The following CACNA2D1 variants were observed in gnomAD, a reference collection of about 807,000 sequenced individuals.
The protein encoded by CACNA2D1 is voltage-dependent calcium channel subunit alpha-2/delta-1.
Under a neutral mutation model 171.5 loss-of-function variants are expected in CACNA2D1, and 53 were observed. The ratio of observed to expected loss-of-function variants is 0.31; its 90% confidence interval spans 0.25 to 0.39. The LOEUF is 0.39. CACNA2D1 is among the 10% of genes least tolerant of loss of function. The pLI is 1.00. For missense variants in CACNA2D1, 903 were observed against 1,299.8 expected, an observed-to-expected ratio of 0.69 and a Z score of 4.69; for synonymous variants, 442 against 443.1, an observed-to-expected ratio of 1.00 and a Z score of 0.03.
intron 6 of CACNA2D1, among the ~76,000 whole-genome samples, chr7:82,110,436 A>G (rs1788239148): frequency 6.6e-6 from 1 of 152,120 alleles, no homozygotes; most frequent in Non-Finnish European, 1.5e-5. Context: ...CTGGGCACCA[A>G]CCTGCACCTC....
At chr7:82,200,391 T>C (rs183406509) in intron 3 of CACNA2D1, among the ~76,000 whole-genome samples, 109 of 152,118 alleles carry the variant, frequency 7.2e-4, no homozygotes, top group Middle Eastern at 6.8e-3. Context: ...TTATTTTGGG[T>C]TTTAAAGCAT....
intron 6 of CACNA2D1, among the ~76,000 whole-genome samples, chr7:82,088,243 A>AT (rs1228855204): frequency 6.6e-6 from 1 of 152,128 alleles, no homozygotes; most frequent in Non-Finnish European, 1.5e-5. Context: ...CTTAGACAGT[A>AT]TTTTTAGTCT....
rs1183198892 is a variant in CACNA2D1, at chr7:81,969,921, T to C, written c.2268A>G (p.Leu756=). Residue 756 remains leucine, a synonymous_variant, in exon 28 of 39, where the codon CTA becomes CTG. Coordinates refer to ENST00000356860, the MANE Select transcript of CACNA2D1 (RefSeq NM_000722.4). ...CAGTGAAAACATAGTTATCATTATC[T>C]AGGCTCCTTTTATAGAAGCTGTCCT... ...TYEDSFYKRS[L]DNDNYVFTAP... 6.2e-6 allele frequency: 10 copies of C among 1,607,788 alleles called. 1 individual carries two copies. In the South Asian group the frequency reaches 9.9e-5, roughly 16 times the overall value.
intron 3 of CACNA2D1, among the ~76,000 whole-genome samples, chr7:82,208,024 G>C (rs1800187917): frequency 6.6e-6 from 1 of 152,054 alleles, no homozygotes; most frequent in Non-Finnish European, 1.5e-5. Context: ...ATCACATTCT[G>C]ACTTGCTGTG....
At chr7:82,113,097 G>T (rs953227238) in intron 6 of CACNA2D1, among the ~76,000 whole-genome samples, 2 of 151,846 alleles carry the variant, frequency 1.3e-5, no homozygotes, top group Non-Finnish European at 2.9e-5. Context: ...TAAATTATAG[G>T]GTAAGTATAA....
At chr7:82,306,685 A>C (rs1173112894) in intron 3 of CACNA2D1, among the ~76,000 whole-genome samples, 1 of 152,168 alleles carries the variant, frequency 6.6e-6, no homozygotes, top group Non-Finnish European at 1.5e-5. Flanking sequence ...TGAGGCCTGC[A>C]TCTTCGTTTT....
chr7:82,032,131 C>T (rs1189302882), intron 12 of CACNA2D1, among the ~76,000 whole-genome samples: 1 of 151,970 alleles, frequency 6.6e-6, no homozygotes, highest in Non-Finnish European at 1.5e-5. Flanking sequence ...TATTCCTCCA[C>T]AGTATCAGGT....
intron 6 of CACNA2D1, among the ~76,000 whole-genome samples, chr7:82,086,730 T>A (rs1011979832): frequency 8.5e-5 from 13 of 152,142 alleles, no homozygotes; most frequent in African/African-American, 1.2e-4. Context: ...TCTCTTTAAT[T>A]TCCTTGATTC....
chr7:82,194,136 G>T (rs1261198913), intron 3 of CACNA2D1, among the ~76,000 whole-genome samples: 2 of 152,012 alleles, frequency 1.3e-5, no homozygotes, highest in Non-Finnish European at 2.9e-5. Flanking sequence ...AAAGCTGTGT[G>T]TATTTCTACA....
intron 6 of CACNA2D1, among the ~76,000 whole-genome samples, chr7:82,104,322 A>T (rs1463758222): frequency 6.6e-6 from 1 of 152,034 alleles, no homozygotes; most frequent in African/African-American, 2.4e-5. Flanking sequence ...AAAATGATTT[A>T]TACTTGTTTT....
At chr7:82,426,369 C>T (rs764712624) in intron 1 of CACNA2D1, among the ~76,000 whole-genome samples, 4 of 152,102 alleles carry the variant, frequency 2.6e-5, no homozygotes, top group East Asian at 3.9e-4. Context: ...GCACAATAAA[C>T]GGCCGCACAT....
In CACNA2D1 at chr7:82,296,117, G is replaced by C. The variant is rs1218984338; in HGVS notation, c.294+39018C>G. Among the ~76,000 whole-genome samples the C allele has an allele frequency of 4.8e-4, 73 of 151,122 alleles. 1 individual carries two copies. Among genetic ancestry groups the C allele is most frequent in the Non-Finnish European group, 1.8e-4 (12 of 67,984 alleles). On this transcript the variant is annotated intron_variant, in intron 3 of 38. Transcript: ENST00000356860. Reference sequence around the variant, plus strand: ...CACTCTGGGGACTGTTGCGGGGTGGGGGAAGGGGGGAGGGATAGCATTAGG... The same window carrying C: ...CACTCTGGGGACTGTTGCGGGGTGGCGGAAGGGGGGAGGGATAGCATTAGG...
chr7:82,425,785 C>T (rs575607577), intron 1 of CACNA2D1, among the ~76,000 whole-genome samples: 48 of 151,004 alleles, frequency 3.2e-4, no homozygotes, highest in African/African-American at 8.5e-4. Flanking sequence ...TGTGAGCCAC[C>T]GCGCCCAACC....
At chr7:82,001,918 T>G (rs1798641649) in intron 18 of CACNA2D1, among the ~76,000 whole-genome samples, 1 of 151,626 alleles carries the variant, frequency 6.6e-6, no homozygotes, top group African/African-American at 2.4e-5. Context: ...AACTGTTACA[T>G]TTTTAAGAAA....
intron 3 of CACNA2D1, among the ~76,000 whole-genome samples, chr7:82,175,397 T>C (rs942618636): frequency 1.3e-5 from 2 of 152,080 alleles, no homozygotes; most frequent in Non-Finnish European, 2.9e-5. Flanking sequence ...GCATGTGTTA[T>C]GTGATTAATC....
intron 1 of CACNA2D1, among the ~76,000 whole-genome samples, chr7:82,376,550 G>T (rs563433315): frequency 4.6e-5 from 7 of 152,176 alleles, no homozygotes; most frequent in Non-Finnish European, 8.8e-5. Flanking sequence ...GGTCAGCAAT[G>T]ATTAAACTCT....
At chr7:82,190,580 C>G (rs1798191811) in intron 3 of CACNA2D1, among the ~76,000 whole-genome samples, 1 of 151,712 alleles carries the variant, frequency 6.6e-6, no homozygotes, top group Admixed American at 6.6e-5. Flanking sequence ...TTACACCACC[C>G]TTACCCATCA....
At chr7:82,420,066 T>C (rs1161400931) in intron 1 of CACNA2D1, among the ~76,000 whole-genome samples, 1 of 152,186 alleles carries the variant, frequency 6.6e-6, no homozygotes, top group Admixed American at 6.5e-5. Context: ...TCAATAGTCC[T>C]GAGGTTGAGA....
intron 3 of CACNA2D1, among the ~76,000 whole-genome samples, chr7:82,282,806 C>T (rs1270847004): frequency 6.6e-6 from 1 of 151,588 alleles, no homozygotes; most frequent in Admixed American, 6.6e-5. Context: ...ATTTGTTTTC[C>T]TTTAGTTCAA....
Sources: allele counts gnomAD v4.1 joint callset (sites outside exome capture counted in the v4.1 genomes callset), GRCh38; gene constraint gnomAD v4.1.1; transcripts MANE v1.5; gene names NCBI Gene and HGNC (gene_info 2026-07-23, HGNC 2026-07-21).